GNAS: variants seen among roughly 807,000 people sequenced by gnomAD.
GNAS encodes protein ALEX.
Under a neutral mutation model 54.5 loss-of-function variants are expected in GNAS, and 8 were observed. The ratio of observed to expected loss-of-function variants is 0.15; its 90% CI spans 0.09 to 0.26. The LOEUF is 0.26. GNAS is among the 10% of genes least tolerant of loss of function. The pLI is 1.00. For synonymous variants in GNAS, 204 were observed against 191.4 expected, an observed-to-expected ratio of 1.07 and a Z score of -0.54; for missense variants, 170 against 529.8, an observed-to-expected ratio of 0.32 and a Z score of 6.67.
At chr20:58,892,291 G>T in intron 1 of GNAS, 2 of 595,952 alleles carry the variant, frequency 3.4e-6, no homozygotes, top group Non-Finnish European at 4.2e-6. Context: ...CAGGAAACCG[G>T]GTGGCGGGTA....
intron 1 of GNAS, among the ~76,000 whole-genome samples, chr20:58,882,552 A>G (rs1031945534): frequency 3.9e-5 from 6 of 152,010 alleles, no homozygotes; most frequent in Non-Finnish European, 7.4e-5. Flanking sequence ...CAACGAGTAC[A>G]CCTGTCACTC....
At chr20:58,878,118 TGCAGACTTAC>T (rs773526710) in intron 1 of GNAS, among the ~76,000 whole-genome samples, 22 of 152,228 alleles carry the variant, frequency 1.4e-4, no homozygotes, top group Admixed American at 4.6e-4. Flanking sequence ...GAGCCTCTGG[TGCAGACTTAC>T]GCAGAGCACA....
rs781241623 is a variant in GNAS at position 58,910,341 on chromosome 20, C to T, written c.978C>T (p.Pro326=). 27 of 1,608,518 alleles carry T rather than the reference C, an allele frequency of 1.7e-5. No individual in the cohort carries two copies. The highest frequency in any genetic ancestry group is 3.3e-5 in the South Asian group (3 of 90,944). The change falls in exon 12 of 13, where the codon CCC becomes CCT. Residue 326 remains proline, a synonymous_variant. Coordinates refer to ENST00000371085, the MANE Select transcript of GNAS (RefSeq NM_000516.7). This position sits in a 1 kb window ranked among gnomAD's most constrained non-coding sequence, Gnocchi z 5.8. ...TATTCCCTTTTTATATAGCTACTCC[C>T]GAGCCCGGAGAGGACCCACGCGTGA... ...ARYTTPEDAT[P]EPGEDPRVTR... is the part of the protein sequence containing the mutation.
intron 5 of GNAS, 123 bp from the exon 6 acceptor site, chr20:58,905,260 A>C (rs2090960122): frequency 8.4e-6 from 6 of 711,932 alleles, no homozygotes; most frequent in Non-Finnish European, 1.5e-5. Context: ...AATTGGGCTC[A>C]AAATTCAAAA....
At chr20:58,868,218 C>T (rs1224097471) in intron 1 of GNAS, among the ~76,000 whole-genome samples, 1 of 152,114 alleles carries the variant, frequency 6.6e-6, no homozygotes, top group Admixed American at 6.5e-5. Context: ...TGGGGTTCTC[C>T]ATGTTGGTCA....
chr20:58,844,007 T>C (rs2085844444), intron 1 of GNAS: 1 of 152,250 alleles, frequency 6.6e-6, no homozygotes, highest in Admixed American at 6.5e-5. Flanking sequence ...AGCCTTTAAC[T>C]CTTCAGCCTT....
At chr20:58,860,319 G>T (rs1301378431) in intron 1 of GNAS, among the ~76,000 whole-genome samples, 1 of 150,158 alleles carries the variant, frequency 6.7e-6, no homozygotes, top group African/African-American at 2.4e-5. Context: ...TTAAATGCAG[G>T]TTTTTTTAAA....
upstream of GNAS, chr20:58,840,745 G>A (rs745982259): frequency 8.4e-5 from 135 of 1,605,742 alleles, no homozygotes; most frequent in Admixed American, 2.2e-4. This position sits in a 1 kb window ranked among gnomAD's most constrained non-coding sequence, Gnocchi z 6.0. Flanking sequence ...CCAAGGAGGA[G>A]AAGCAGCGGC....
At chr20:58,892,972 T>A (rs891333952) in intron 1 of GNAS, among the ~76,000 whole-genome samples, 1 of 148,188 alleles carries the variant, frequency 6.7e-6, no homozygotes, top group Non-Finnish European at 1.5e-5. Flanking sequence ...GAGTGCTTTG[T>A]GAAAAGAAAA....
chr20:58,889,201 C>A, upstream of GNAS: 1 of 1,207,990 alleles, frequency 8.3e-7, no homozygotes, highest in Non-Finnish European at 1.1e-6. Context: ...CACCGCGGAG[C>A]GGGCTGCGTC....
chr20:58,842,459 A>G, intron 1 of GNAS: 1 of 398,658 alleles, frequency 2.5e-6, no homozygotes, highest in Non-Finnish European at 4.4e-6. Context: ...TCCAGGACCT[A>G]TTCCGTAGGA....
At chr20:58,900,528 G>A (rs78183849) in intron 3 of GNAS, 7,762 of 180,304 alleles carry the variant, frequency 0.043, 304 homozygotes, top group African/African-American at 0.1. Context: ...TAGCTGAAGC[G>A]GGGGGAGGGG....
rs751884749 is a variant in GNAS at position 58,909,657 on chromosome 20, C to G, written c.719-27C>G. ...TTAGGGATCAGGGTCGCTGCTCACG[C>G]TCTTGGCTTTGCTCTCTTTGGTTAA... On this transcript the variant is annotated intron_variant, in intron 9 of 12. Coordinates refer to ENST00000371085, the MANE Select transcript of GNAS (RefSeq NM_000516.7). The surrounding 1 kb of genome is among the most constrained non-coding windows in gnomAD (Gnocchi z 7.3). 6.2e-7 allele frequency: 1 copy of G among 1,614,156 alleles called. No homozygotes were observed. The highest frequency in any genetic ancestry group is 1.3e-5 in the African/African-American group (1 of 75,032).
rs1385876532 is a variant in GNAS, at chr20:58,873,174, C to A, written c.44-22438C>A. On this transcript the variant is annotated intron_variant, in intron 1 of 12. Transcript: ENST00000306090. This position sits in a 1 kb window ranked among gnomAD's most constrained non-coding sequence, Gnocchi z 4.3. Reference sequence around the variant, plus strand: ...AGTGTTGGGGAAAATAATTGCTGATCTAATAGCTATGAAAAGGAACTCATT... The same window carrying A: ...AGTGTTGGGGAAAATAATTGCTGATATAATAGCTATGAAAAGGAACTCATT... Among the ~76,000 whole-genome samples the A allele has an allele frequency of 6.6e-6, 1 of 151,990 alleles. No homozygotes were observed. The highest frequency in any genetic ancestry group is 1.5e-5 in the Non-Finnish European group (1 of 68,038).
rs144642876 is a variant in GNAS at position 58,864,928 on chromosome 20, G to GACACACACACAC, written c.43+24060_43+24071dup. 1.5e-3 allele frequency among the ~76,000 whole-genome samples: 210 copies of GACACACACACAC among 138,914 alleles called. 1 individual carries two copies. Among genetic ancestry groups the GACACACACACAC allele is most frequent in the South Asian group, 3.3e-3 (14 of 4,286 alleles). 91.1% of individuals were successfully genotyped at this position (138,914 alleles called of 152,430 possible). On this transcript the variant is annotated intron_variant, in intron 1 of 12. Transcript: ENST00000306090. ...CAGCATCTCTGACCCCTACCTACCAGACACACACACACACACACACACACA... is the reference window on the plus strand; with the variant it reads ...CAGCATCTCTGACCCCTACCTACCAGACACACACACACACACACACACACACACACACACACA...
At chr20:58,879,350 C>T (rs1282663847) in intron 1 of GNAS, among the ~76,000 whole-genome samples, 1 of 152,204 alleles carries the variant, frequency 6.6e-6, no homozygotes, top group African/African-American at 2.4e-5. Flanking sequence ...TCATTTAGCA[C>T]AATCTAAAAA....
At chr20:58,846,949 C>T (rs992382683) in intron 1 of GNAS, among the ~76,000 whole-genome samples, 6 of 152,212 alleles carry the variant, frequency 3.9e-5, no homozygotes, top group African/African-American at 1.4e-4. Context: ...TTTTGCCTCT[C>T]TCTTAGTTGC....
At chr20:58,905,339 T>C in intron 5 of GNAS, 44 bp from the exon 6 acceptor site, 1 of 1,099,150 alleles carries the variant, frequency 9.1e-7, no homozygotes. Context: ...GTTGATTAGT[T>C]CAAGCTCTTG....
intron 1 of GNAS, among the ~76,000 whole-genome samples, chr20:58,861,664 G>A (rs752181542): frequency 1.3e-5 from 2 of 152,210 alleles, no homozygotes; most frequent in Non-Finnish European, 2.9e-5. Flanking sequence ...GGGGAAAGAA[G>A]CCCCTGAACA....
Sources: gnomAD v4.1 joint callset for allele counts (sites outside exome capture counted in the v4.1 genomes callset) on GRCh38, gnomAD v4.1.1 for gene constraint, Gnocchi (gnomAD v3.1) non-coding constraint, MANE v1.5 for transcripts, NCBI Gene and HGNC (gene_info 2026-07-23, HGNC 2026-07-21) for gene names.